The following KPNA4 variants were observed in gnomAD, a reference collection of about 807,000 sequenced individuals.
The protein encoded by KPNA4 is karyopherin subunit alpha 4.
In KPNA4, 13 loss-of-function variants were observed where a neutral mutation model predicts 71.3. The observed-to-expected ratio is 0.18, with a 90% CI of 0.12 to 0.29. The LOEUF is 0.29. KPNA4 is among the 10% of genes least tolerant of loss of function. The probability of loss-of-function intolerance (pLI) is 1.00; values close to 1 mark genes in which losing one functional copy is unlikely to be tolerated. For synonymous variants in KPNA4, 189 were observed against 195.2 expected, an observed-to-expected ratio of 0.97 and a Z score of 0.26; for missense variants, 334 against 603.2, an observed-to-expected ratio of 0.55 and a Z score of 4.67.
chr3:160,510,003 T>C (rs1399581989), intron 13 of KPNA4, 132 bp from the exon 14 acceptor site: 2 of 655,824 alleles, frequency 3.0e-6, no homozygotes, highest in Non-Finnish European at 5.4e-6. Flanking sequence ...TATCATTTTT[T>C]CTTATTAAGA....
chr3:160,510,562 G>A (rs1056953170), intron 13 of KPNA4, among the ~76,000 whole-genome samples: 1 of 152,028 alleles, frequency 6.6e-6, no homozygotes, highest in Admixed American at 6.5e-5. Context: ...TGCTTATGAT[G>A]TATTAAAAAA....
At chr3:160,533,689 C>T (rs770337301) in intron 5 of KPNA4, among the ~76,000 whole-genome samples, 1 of 152,102 alleles carries the variant, frequency 6.6e-6, no homozygotes, top group Non-Finnish European at 1.5e-5. Context: ...CGCAATTTTA[C>T]TCACAGTTGC....
intron 15 of KPNA4, among the ~76,000 whole-genome samples, chr3:160,505,387 A>C (rs1720964857): frequency 6.6e-6 from 1 of 152,200 alleles, no homozygotes; most frequent in Non-Finnish European, 1.5e-5. Flanking sequence ...AAAAAGCGGA[A>C]TCTTCCTACT....
At chr3:160,553,262 C>A (rs556086908) in intron 1 of KPNA4, among the ~76,000 whole-genome samples, 31 of 152,280 alleles carry the variant, frequency 2.0e-4, no homozygotes, top group Non-Finnish European at 3.8e-4. Flanking sequence ...TACCCCTATA[C>A]TCCTCACACC....
intron 1 of KPNA4, among the ~76,000 whole-genome samples, chr3:160,549,064 C>T (rs2108558677): frequency 6.6e-6 from 1 of 152,308 alleles, no homozygotes; most frequent in South Asian, 2.1e-4. Flanking sequence ...CATGTGCTTA[C>T]TGGCTATTTT....
At chr3:160,514,608 TC>T (rs1224202895) in intron 12 of KPNA4, among the ~76,000 whole-genome samples, 6 of 152,318 alleles carry the variant, frequency 3.9e-5, no homozygotes, top group African/African-American at 1.4e-4. Flanking sequence ...TGATGAAGAA[TC>T]TTAGCCAAAG....
chr3:160,553,479 A>C (rs1271818011), intron 1 of KPNA4, among the ~76,000 whole-genome samples: 6 of 152,254 alleles, frequency 3.9e-5, no homozygotes, highest in African/African-American at 1.4e-4. Context: ...AGCTGACAGC[A>C]GCTGGCAGAG....
intron 2 of KPNA4, among the ~76,000 whole-genome samples, chr3:160,536,248 A>G (rs921601065): frequency 2.0e-5 from 3 of 152,156 alleles, no homozygotes; most frequent in Non-Finnish European, 4.4e-5. Context: ...CATTTTATAC[A>G]TGATCTGGGA....
Position 160,530,949 on chromosome 3 carries a change from A to C in KPNA4, c.384-9T>G. On this transcript the variant is annotated splice_polypyrimidine_tract_variant and intron_variant, in intron 6 of 16. Coordinates refer to ENST00000334256, the MANE Select transcript of KPNA4 (RefSeq NM_002268.5). ...CAAACTGTAAAGAAGGACTACAAAA[A>C]AAAACAAGTATTTTTAAACAGCAGG... The C allele has an allele frequency of 6.3e-7, 1 of 1,591,772 alleles. No individual in the cohort carries two copies. The highest frequency in any genetic ancestry group is 8.6e-7 in the Non-Finnish European group (1 of 1,167,870).
At chr3:160,550,565 G>A (rs540399156) in intron 1 of KPNA4, among the ~76,000 whole-genome samples, 10 of 152,250 alleles carry the variant, frequency 6.6e-5, no homozygotes, top group South Asian at 6.2e-4. Flanking sequence ...AGCACACACC[G>A]CCACTGCCTT....
Position 160,521,780 on chromosome 3 carries a change from T to C in KPNA4, c.902A>G (p.Gln301Arg). The C allele has an allele frequency of 6.2e-7, 1 of 1,611,056 alleles. No homozygotes were observed. The highest frequency in any genetic ancestry group is 8.5e-7 in the Non-Finnish European group (1 of 1,179,658). The change falls in exon 11 of 17, where the codon CAG (glutamine) becomes CGG (arginine). Residue 301 changes from glutamine to arginine, a missense_variant and splice_region_variant. Gln to Arg is a conservative substitution (Grantham distance 43). Transcript: ENST00000334256. The stretch of plus-strand genomic sequence containing the variant: ...TAATTTAACTAAGAACAAACTTACC[T>C]GAACTTTAACTTCCTGGTGGCTGAG... ...PLLSHQEVKV[Q>R]TAALRAVGNI...
chr3:160,541,921 T>C (rs1448389307), intron 1 of KPNA4, among the ~76,000 whole-genome samples: 2 of 152,170 alleles, frequency 1.3e-5, no homozygotes, highest in Non-Finnish European at 2.9e-5. Context: ...ATTCTAAACA[T>C]GTTACTTGAC....
At chr3:160,505,140 T>C in intron 15 of KPNA4, 88 bp from the exon 16 acceptor site, 1 of 588,558 alleles carries the variant, frequency 1.7e-6, no homozygotes, top group Non-Finnish European at 2.6e-6. Flanking sequence ...TAATCCAATT[T>C]CTGAATCGCA....
At chr3:160,555,251 G>C (rs548440638) in intron 1 of KPNA4, among the ~76,000 whole-genome samples, 1 of 152,320 alleles carries the variant, frequency 6.6e-6, no homozygotes, top group East Asian at 1.9e-4. Flanking sequence ...AGGAAAAAGA[G>C]TTTTTAGTTT....
At chr3:160,511,884 T>C (rs1721102336) in intron 13 of KPNA4, among the ~76,000 whole-genome samples, 1 of 151,902 alleles carries the variant, frequency 6.6e-6, no homozygotes. Context: ...TAAGTAATTA[T>C]GCTAATGTTT....
intron 1 of KPNA4, 36 bp downstream of exon 1, chr3:160,565,178 C>G (rs1267407340): frequency 1.3e-6 from 2 of 1,559,596 alleles, no homozygotes; most frequent in African/African-American, 1.4e-5. Flanking sequence ...CCCAGGCCCA[C>G]AGCCCCCACC....
chr3:160,557,911 G>C (rs748452177), intron 1 of KPNA4, among the ~76,000 whole-genome samples: 2 of 152,236 alleles, frequency 1.3e-5, no homozygotes, highest in Non-Finnish European at 2.9e-5. Flanking sequence ...CAAACTCCCA[G>C]TATCAAGCAA....
At position 160,565,398 on chromosome 3, in the gene KPNA4, C is replaced by T. The variant is rs1029636108; in HGVS notation, c.-116G>A. ...CGCCTGAGCTGCTGTGCCCGCCGCG[C>T]CGCCGCTTCCTTCCTCCTCTCACCT... On this transcript the variant is annotated 5_prime_UTR_variant, in exon 1 of 17. Coordinates refer to ENST00000334256, the MANE Select transcript of KPNA4 (RefSeq NM_002268.5). The T allele has an allele frequency of 2.5e-6, 2 of 799,866 alleles. No homozygotes were observed. Among genetic ancestry groups the T allele is most frequent in the African/African-American group, 1.8e-5 (1 of 56,214 alleles). 49.5% of individuals were successfully genotyped at this position (799,866 alleles called of 1,614,324 possible).
rs552519873 is a variant in KPNA4, at chr3:160,530,815, TA to T, written c.469+39del. Reference sequence around the variant, plus strand: ...ATCACTATTTTTTACCGACTTCTTTTAAAAAAAATCACAATTATGTTTATTA... The same window carrying T: ...ATCACTATTTTTTACCGACTTCTTTTAAAAAAATCACAATTATGTTTATTA... On this transcript the variant is annotated intron_variant, in intron 7 of 16. Transcript: ENST00000334256. The T allele has an allele frequency of 4.5e-5, 63 of 1,411,002 alleles. 1 individual carries two copies. The highest frequency in any genetic ancestry group is 3.7e-4 in the South Asian group (30 of 80,786). The allele number at this position is 1,411,002 out of a possible 1,614,324, so 87.4% of individuals were successfully genotyped here.
Sources: allele counts gnomAD v4.1 joint callset (sites outside exome capture counted in the v4.1 genomes callset), GRCh38; gene constraint gnomAD v4.1.1; transcripts MANE v1.5; gene names NCBI Gene and HGNC (gene_info 2026-07-23, HGNC 2026-07-21).